GALNT9: variants seen among roughly 807,000 people sequenced by gnomAD.
GALNT9 encodes the protein polypeptide N-acetylgalactosaminyltransferase 9.
Under a neutral mutation model 63.1 loss-of-function variants are expected in GALNT9, and 47 were observed. That is an observed-to-expected ratio of 0.75 (90% confidence interval 0.59 to 0.95). The LOEUF (loss-of-function observed/expected upper bound fraction) is 0.95, where lower values mean the gene tolerates loss of function less well. GALNT9 is among the 40% of genes least tolerant of loss of function. GALNT9 has a pLI of 0.00. For missense variants in GALNT9, 829 were observed against 874.8 expected, an observed-to-expected ratio of 0.95 and a Z score of 0.66; for synonymous variants, 396 against 365.7, an observed-to-expected ratio of 1.08 and a Z score of -0.94.
intron 1 of GALNT9, among the ~76,000 whole-genome samples, chr12:132,292,461 G>A (rs1405540116): frequency 3.9e-5 from 6 of 152,304 alleles, no homozygotes; most frequent in South Asian, 4.1e-4. Flanking sequence ...CTGCTGGGCC[G>A]GACCCGAGTC....
chr12:132,216,494 C>G (rs1396790253), intron 6 of GALNT9, among the ~76,000 whole-genome samples: 3 of 152,248 alleles, frequency 2.0e-5, no homozygotes, highest in Non-Finnish European at 4.4e-5. Context: ...GGGTGCTGAG[C>G]GCAGTCTGCA....
chr12:132,256,637 G>T (rs1879126718), intron 5 of GALNT9, among the ~76,000 whole-genome samples: 1 of 104,180 alleles, frequency 9.6e-6, no homozygotes, highest in South Asian at 4.8e-4. Context: ...ACACTGGGGG[G>T]ACGCTGGAGG....
At position 132,329,194 on chromosome 12, in the gene GALNT9, C is replaced by T; in HGVS notation, c.10G>A (p.Ala4Thr). ...GTCAGCAAAGTTCGGATCTTCCTGG[C>T]CACCGCCATGAACACGGCTGCAGCG... MAVARKIRTLLTVN... is the reference protein window; with the variant it reads MAVTRKIRTLLTVN... Residue 4 changes from alanine to threonine, a missense_variant, in exon 1 of 11, where the codon GCC becomes ACC. By Grantham distance (58) the Ala-to-Thr change is moderately conservative. Transcript: ENST00000328957. 6.5e-7 allele frequency: 1 copy of T among 1,547,112 alleles called. No individual in the cohort carries two copies. Among genetic ancestry groups the T allele is most frequent in the Non-Finnish European group, 8.7e-7 (1 of 1,144,950 alleles).
intron 8 of GALNT9, chr12:132,200,656 G>A (rs139146278): frequency 1.2e-4 from 19 of 156,082 alleles, no homozygotes; most frequent in Non-Finnish European, 2.3e-4. Flanking sequence ...ACTCGTGTCC[G>A]CGTGCTCTTG....
At chr12:132,291,681 C>T (rs1278424141) in intron 1 of GALNT9, among the ~76,000 whole-genome samples, 4 of 100,226 alleles carry the variant, frequency 4.0e-5, no homozygotes, top group Non-Finnish European at 8.4e-5. Context: ...CCACGGTGCC[C>T]ACATCCACAG....
chr12:132,196,853 GT>G lies in GALNT9; in HGVS notation c.*253del, dbSNP rs1875539453. 1 of 1,315,028 alleles carries G rather than the reference GT, an allele frequency of 7.6e-7. No individual in the cohort carries two copies. The highest frequency in any genetic ancestry group is 1.5e-5 in the African/African-American group (1 of 66,352). The allele number at this position is 1,315,028 out of a possible 1,614,324, so 81.5% of individuals were successfully genotyped here. A position where few individuals can be genotyped will look rare whatever the true frequency, so the allele number is the denominator to read the frequency against. ...CCAGGAGATACCGTGGAGAAGGCAC[GT>G]GTTTGAGTTGGCATCACTGTCCCCA... is the stretch of plus-strand genomic sequence containing the variant. On this transcript the variant is annotated 3_prime_UTR_variant, in exon 11 of 11. Transcript: ENST00000328957.
At chr12:132,240,539 C>A (rs2136898533) in intron 6 of GALNT9, 51 of 441,536 alleles carry the variant, frequency 1.2e-4, no homozygotes, top group Non-Finnish European at 4.1e-5. Flanking sequence ...GTGGGCCTGG[C>A]GTGGCCCCAG....
intron 2 of GALNT9, among the ~76,000 whole-genome samples, chr12:132,264,962 C>G (rs143724883): frequency 2.6e-5 from 4 of 152,322 alleles, no homozygotes; most frequent in African/African-American, 9.6e-5. Context: ...ATCCCAACCG[C>G]GTCCGCCTCG....
At chr12:132,248,346 C>T (rs1391364922) in intron 5 of GALNT9, among the ~76,000 whole-genome samples, 6 of 152,190 alleles carry the variant, frequency 3.9e-5, no homozygotes, top group African/African-American at 7.2e-5. Flanking sequence ...CAGTAGCTCA[C>T]GCCTGTTATC....
chr12:132,298,723 C>T (rs1490544168), intron 1 of GALNT9, among the ~76,000 whole-genome samples: 3 of 150,220 alleles, frequency 2.0e-5, no homozygotes, highest in African/African-American at 7.4e-5. Context: ...TGAGATAACC[C>T]ACTCCCATGA....
chr12:132,306,157 G>A (rs1209084356), intron 1 of GALNT9, among the ~76,000 whole-genome samples: 5 of 152,250 alleles, frequency 3.3e-5, no homozygotes, highest in Non-Finnish European at 7.3e-5. Context: ...GGGCCTGCAG[G>A]GGACCCTTAC....
chr12:132,281,089 A>C (rs1880321920), intron 2 of GALNT9, among the ~76,000 whole-genome samples: 1 of 152,184 alleles, frequency 6.6e-6, no homozygotes, highest in Admixed American at 6.5e-5. Flanking sequence ...AAGGCCAGGC[A>C]CTGTGGAGAC....
intron 6 of GALNT9, among the ~76,000 whole-genome samples, chr12:132,218,165 C>T (rs1383231716): frequency 1.3e-5 from 2 of 152,196 alleles, no homozygotes; most frequent in Non-Finnish European, 2.9e-5. Flanking sequence ...CACCCATCTG[C>T]ATTAGTCCCT....
intron 1 of GALNT9, among the ~76,000 whole-genome samples, chr12:132,297,065 C>CCGAAGATG (rs1881100101): frequency 6.7e-6 from 1 of 148,320 alleles, no homozygotes; most frequent in South Asian, 2.1e-4. Flanking sequence ...CTAACTCACT[C>CCGAAGATG]CGAAGATGAC....
At chr12:132,254,763 T>A (rs1158244210) in intron 5 of GALNT9, among the ~76,000 whole-genome samples, 3 of 152,218 alleles carry the variant, frequency 2.0e-5, no homozygotes, top group Admixed American at 6.5e-5. Context: ...TCTTGGTCTG[T>A]CCCTATTCTC....
intron 2 of GALNT9, among the ~76,000 whole-genome samples, chr12:132,271,767 G>A (rs1468036940): frequency 2.0e-5 from 3 of 152,152 alleles, no homozygotes; most frequent in Non-Finnish European, 2.9e-5. Context: ...GCGACGGCCA[G>A]GGCCCCAAGG....
intron 6 of GALNT9, among the ~76,000 whole-genome samples, chr12:132,217,726 G>C (rs981917189): frequency 2.5e-5 from 3 of 118,964 alleles, no homozygotes; most frequent in Non-Finnish European, 5.1e-5. Flanking sequence ...TCATCCACAC[G>C]CACTCATCCA....
rs1380385763 is a variant in GALNT9 at position 132,247,915 on chromosome 12, T to C, written c.1072A>G (p.Met358Val). 2.6e-6 allele frequency: 4 copies of C among 1,551,358 alleles called. No homozygotes were observed. The highest frequency in any genetic ancestry group is 3.5e-6 in the Non-Finnish European group (4 of 1,146,974). ...GACACCGGGGCCGCACTCACCCTCA[T>C]GCCCAGTTCTACGTTCTCGCCGCCA... ...VYGGENVELG[M>V]RVWQCGGSME... The change falls in exon 6 of 11, where the codon ATG (methionine) becomes GTG (valine). Residue 358 changes from methionine (M) to valine (V), a missense_variant. By Grantham distance (21) the Met-to-Val change is conservative (BLOSUM62 1). Transcript: ENST00000328957.
intron 7 of GALNT9, among the ~76,000 whole-genome samples, chr12:132,202,832 G>A (rs935655701): frequency 1.3e-5 from 2 of 152,266 alleles, no homozygotes; most frequent in East Asian, 1.9e-4. Flanking sequence ...GGGGTGGGGC[G>A]CTTTGAGAAA....
Sources: gnomAD v4.1 joint callset for allele counts (sites outside exome capture counted in the v4.1 genomes callset) on GRCh38, gnomAD v4.1.1 for gene constraint, MANE v1.5 for transcripts, NCBI Gene and HGNC (gene_info 2026-07-23, HGNC 2026-07-21) for gene names.